CHRM3: variants seen among roughly 807,000 people sequenced by gnomAD.
CHRM3 encodes the protein muscarinic acetylcholine receptor M3.
Under a neutral mutation model 41.8 loss-of-function variants are expected in CHRM3, and 11 were observed. The ratio of observed to expected loss-of-function variants is 0.26; its 90% CI spans 0.17 to 0.44. The LOEUF (loss-of-function observed/expected upper bound fraction) is 0.44. CHRM3 is among the 20% of genes least tolerant of loss of function. The pLI is 1.00. For synonymous variants in CHRM3, 297 were observed against 301.4 expected, an observed-to-expected ratio of 0.99 and a Z score of 0.15; for missense variants, 571 against 745.4, an observed-to-expected ratio of 0.77 and a Z score of 2.72.
intron 1 of CHRM3, among the ~76,000 whole-genome samples, chr1:239,451,458 T>A (rs1664547214): frequency 6.6e-6 from 1 of 152,114 alleles, no homozygotes; most frequent in Admixed American, 6.6e-5. Flanking sequence ...GCTCAGAGTG[T>A]GGACTCAGAA....
intron 2 of CHRM3, among the ~76,000 whole-genome samples, chr1:239,504,169 GACTAATAT>G (rs1438954465): frequency 6.6e-6 from 1 of 151,990 alleles, no homozygotes; most frequent in Non-Finnish European, 1.5e-5. Flanking sequence ...TCTGACAAAG[GACTAATAT>G]CCAGAATCTA....
Position 239,810,322 on chromosome 1 carries a change from G to C in CHRM3, c.-146-16930G>C, listed in dbSNP as rs530665838. Among the ~76,000 whole-genome samples, 5 of 152,206 alleles carry C rather than the reference G, an allele frequency of 3.3e-5. No individual in the cohort carries two copies. The East Asian group carries it at 5.8e-4, about 18-fold the overall frequency. On this transcript the variant is annotated intron_variant, in intron 5 of 6. Coordinates refer to ENST00000676153, the MANE Select transcript of CHRM3 (RefSeq NM_001375978.1). ...TGCTTTGTCTTCCCATTGAAGCTCC[G>C]TTGCAGAAAGAGCCACAGACATAAG...
At position 239,529,609 on chromosome 1, in the gene CHRM3, CAAAAA is replaced by C. The variant is rs74990447; in HGVS notation, c.-421-16014_-421-16010del. Among the ~76,000 whole-genome samples the C allele has an allele frequency of 1.1e-3, 126 of 110,832 alleles. 1 individual carries two copies. The highest frequency in any genetic ancestry group is 5.1e-3 in the East Asian group (17 of 3,334). 72.7% of individuals were successfully genotyped at this position (110,832 alleles called of 152,430 possible). ...CCTGGGTGACAGAGAGACTCCGTCT[CAAAAA>C]AAAAAAAAAAAAAAAAACAAACAAA... On this transcript the variant is annotated intron_variant, in intron 2 of 6. Coordinates refer to ENST00000676153, the MANE Select transcript of CHRM3 (RefSeq NM_001375978.1).
chr1:239,554,860 G>A (rs752091873), intron 3 of CHRM3, among the ~76,000 whole-genome samples: 9 of 151,214 alleles, frequency 6.0e-5, no homozygotes, highest in Admixed American at 1.3e-4. Flanking sequence ...CTCCCGAGTA[G>A]TTGGGACTAC....
Position 239,909,328 on chromosome 1 carries a change from T to A in CHRM3, c.*104T>A, listed in dbSNP as rs770862945. ...TGACTTCTGGTGATGATAAAAATGG[T>A]TTTATCACCCAGATGTGAAAGAAGC... On this transcript the variant is annotated 3_prime_UTR_variant, in exon 7 of 7. Coordinates refer to ENST00000676153, the MANE Select transcript of CHRM3 (RefSeq NM_001375978.1). 4 of 1,199,320 alleles carry A rather than the reference T, an allele frequency of 3.3e-6. No homozygotes were observed. The highest frequency in any genetic ancestry group is 1.5e-5 in the African/African-American group (1 of 64,974). The allele number at this position is 1,199,320 out of a possible 1,614,324, so 74.3% of individuals were successfully genotyped here. A position where few individuals can be genotyped will look rare whatever the true frequency, so the allele number is the denominator to read the frequency against.
chr1:239,429,467 T>C (rs1421174268), intron 1 of CHRM3, among the ~76,000 whole-genome samples: 4 of 152,184 alleles, frequency 2.6e-5, no homozygotes. Context: ...AATTCTGTAC[T>C]TCAAACAAGA....
At chr1:239,885,672 C>T (rs1678008129) in intron 6 of CHRM3, among the ~76,000 whole-genome samples, 1 of 152,200 alleles carries the variant, frequency 6.6e-6, no homozygotes, top group African/African-American at 2.4e-5. Flanking sequence ...ATCACAGGCA[C>T]ACCTGCTCAG....
rs533437288 is a variant in CHRM3 at position 239,678,875 on chromosome 1, GATA to G, written c.-147+591_-147+593del. ...CATAAAAACAAAAAATATGCTGTTT[GATA>G]ATATTAATGTTTAATGAATTCTCTT... On this transcript the variant is annotated intron_variant, in intron 5 of 6. Transcript: ENST00000676153. Among the ~76,000 whole-genome samples, 439 of 152,240 alleles carry G rather than the reference GATA, an allele frequency of 2.9e-3. 1 individual carries two copies. Among genetic ancestry groups the G allele is most frequent in the African/African-American group, 0.01 (423 of 41,560 alleles).
At chr1:239,706,788 G>C (rs1661229251) in intron 5 of CHRM3, 1 of 151,704 alleles carries the variant, frequency 6.6e-6, no homozygotes. Context: ...ACACGCAGAG[G>C]CATGCACAGG....
intron 5 of CHRM3, among the ~76,000 whole-genome samples, chr1:239,681,673 C>G (rs1036578163): frequency 1.3e-5 from 2 of 152,136 alleles, no homozygotes; most frequent in Non-Finnish European, 1.5e-5. Context: ...GTGGGAGATT[C>G]AGTTGAGACC....
At chr1:239,791,584 G>A (rs1468601430) in intron 5 of CHRM3, among the ~76,000 whole-genome samples, 1 of 152,162 alleles carries the variant, frequency 6.6e-6, no homozygotes, top group East Asian at 1.9e-4. Context: ...TCTGATGTGT[G>A]AGGCAAGGAT....
chr1:239,821,876 G>T (rs1009480545), intron 5 of CHRM3, among the ~76,000 whole-genome samples: 1 of 152,092 alleles, frequency 6.6e-6, no homozygotes, highest in African/African-American at 2.4e-5. Context: ...TTTCCTCCAT[G>T]CCATCCTCGT....
chr1:239,803,289 A>G (rs551073923), intron 5 of CHRM3, among the ~76,000 whole-genome samples: 1 of 152,318 alleles, frequency 6.6e-6, no homozygotes, highest in East Asian at 1.9e-4. Flanking sequence ...TCCAGGCAAT[A>G]CATTCGGAGA....
At chr1:239,816,950 A>G (rs1099058) in intron 5 of CHRM3, among the ~76,000 whole-genome samples, 149,489 of 152,128 alleles carry the variant, frequency 0.98, 73,499 homozygotes, top group East Asian at 1. Flanking sequence ...CCAGGCTGGT[A>G]TCCAACTCCT....
Position 239,480,312 on chromosome 1 carries a change from CT to C in CHRM3, c.-520-12390del, listed in dbSNP as rs575094364. 2.1e-3 allele frequency among the ~76,000 whole-genome samples: 314 copies of C among 152,052 alleles called. 1 individual carries two copies. The highest frequency in any genetic ancestry group is 3.8e-3 in the Non-Finnish European group (260 of 67,972). On this transcript the variant is annotated intron_variant, in intron 1 of 6. Transcript: ENST00000676153. Reference sequence around the variant, plus strand: ...TAATTATGTAGGTAAAAACAAAGAACTTTTTTTGTGAAATACACATATGTGT... The same window carrying C: ...TAATTATGTAGGTAAAAACAAAGAACTTTTTTGTGAAATACACATATGTGT...
chr1:239,901,085 A>T (rs1267046357), intron 6 of CHRM3, among the ~76,000 whole-genome samples: 1 of 152,238 alleles, frequency 6.6e-6, no homozygotes, highest in East Asian at 1.9e-4. Context: ...TGCTTCTGCC[A>T]TGGTGACCTA....
intron 5 of CHRM3, among the ~76,000 whole-genome samples, chr1:239,781,229 A>G (rs979741951): frequency 1.3e-5 from 2 of 152,180 alleles, no homozygotes; most frequent in Admixed American, 1.3e-4. Flanking sequence ...GAGTCTTCCT[A>G]TCCATGAGCA....
At chr1:239,513,781 A>T (rs1669078525) in intron 2 of CHRM3, among the ~76,000 whole-genome samples, 2 of 152,116 alleles carry the variant, frequency 1.3e-5, no homozygotes, top group African/African-American at 4.8e-5. Context: ...TAGATCTATG[A>T]TCCATTTTGG....
At chr1:239,531,709 G>C (rs1445454242) in intron 2 of CHRM3, among the ~76,000 whole-genome samples, 1 of 126,622 alleles carries the variant, frequency 7.9e-6, no homozygotes, top group Non-Finnish European at 1.6e-5. Flanking sequence ...GCCCAGGCTG[G>C]AGTGCAGTGG....
Sources: allele counts gnomAD v4.1 joint callset (sites outside exome capture counted in the v4.1 genomes callset), GRCh38; gene constraint gnomAD v4.1.1; transcripts MANE v1.5; gene names NCBI Gene and HGNC (gene_info 2026-07-23, HGNC 2026-07-21).